Variants in PDK3 observed in about 807,000 individuals in gnomAD.
PDK3 encodes the protein pyruvate dehydrogenase kinase 3.
A neutral mutation model predicts 32.0 loss-of-function variants in PDK3; 12 were observed. The ratio of observed to expected loss-of-function variants is 0.37; its 90% CI spans 0.24 to 0.61. PDK3 has a LOEUF of 0.61. Among genes scored for constraint, PDK3 ranks in the 20% least tolerant of loss-of-function variants. PDK3 has a pLI of 0.65. For synonymous variants in PDK3, 122 were observed against 116.3 expected (o/e 1.05, Z -0.31); for missense variants, 188 against 316.9 (o/e 0.59, Z 3.09).
At chrX:24,468,418 T>C (rs1351198756) in intron 1 of PDK3, among the ~76,000 whole-genome samples, 1 of 111,885 alleles carries the variant, frequency 8.9e-6, no homozygotes, top group African/African-American at 3.3e-5. Flanking sequence ...TCTCCAGTCA[T>C]TGCCAAATGT....
chrX:24,499,272 T>G (rs931211661), intron 3 of PDK3, among the ~76,000 whole-genome samples: 1 of 111,354 alleles, frequency 9.0e-6, no homozygotes, highest in South Asian at 3.8e-4. Context: ...AAAAAAAAAT[T>G]TCAATAGGAT....
At chrX:24,499,548 T>A (rs757429597) in intron 3 of PDK3, among the ~76,000 whole-genome samples, 1 of 112,105 alleles carries the variant, frequency 8.9e-6, no homozygotes, top group East Asian at 2.8e-4. Flanking sequence ...GTAGGCCTGT[T>A]GTGCTGAGAA....
In PDK3 at chrX:24,488,227, T is replaced by C. The variant is rs543764483; in HGVS notation, c.107-6515T>C. The stretch of plus-strand genomic sequence containing the variant: ...TCTTGGCTACCTCCTGGTCCCACCA[T>C]AGGGAAGGCTCCCTGCATTACATTG... On this transcript the variant is annotated intron_variant, in intron 1 of 10. Coordinates refer to ENST00000379162, the MANE Select transcript of PDK3 (RefSeq NM_005391.5). Among the ~76,000 whole-genome samples, 32 of 111,302 alleles carry C rather than the reference T, an allele frequency of 2.9e-4. No individual in the cohort carries two copies. In the South Asian group the frequency reaches 0.011, roughly 37 times the overall value.
chrX:24,494,577 T>C (rs192650027), intron 1 of PDK3, among the ~76,000 whole-genome samples, 165 bp from the exon 2 acceptor site: 1 of 112,503 alleles, frequency 8.9e-6, no homozygotes, highest in African/African-American at 3.2e-5. Context: ...GCTAATTAAC[T>C]TATTTTCTTG....
intron 6 of PDK3, among the ~76,000 whole-genome samples, chrX:24,520,184 C>T (rs190536854): frequency 9.8e-5 from 11 of 111,806 alleles, no homozygotes; most frequent in African/African-American, 3.2e-4. Flanking sequence ...TAGTTTGAAA[C>T]CCCATCTCAA....
chrX:24,513,467 C>A, intron 5 of PDK3: 1 of 128,464 alleles, frequency 7.8e-6, no homozygotes, highest in Non-Finnish European at 1.6e-5. Flanking sequence ...TCAACCTTAC[C>A]TTCATCTTCA....
intron 5 of PDK3, among the ~76,000 whole-genome samples, chrX:24,515,138 A>T (rs1037661053): frequency 4.4e-5 from 5 of 112,608 alleles, no homozygotes; most frequent in African/African-American, 1.6e-4. Flanking sequence ...TGCATAGTAT[A>T]TATGTAATAC....
chrX:24,479,744 C>T, intron 1 of PDK3, among the ~76,000 whole-genome samples: 1 of 109,998 alleles, frequency 9.1e-6, no homozygotes, highest in Non-Finnish European at 1.9e-5. Flanking sequence ...GAGGTCGCGC[C>T]ACTGCACTCC....
In PDK3 at chrX:24,531,686, C is replaced by A; in HGVS notation, c.993C>A (p.Ser331=). 1.7e-6 allele frequency: 2 copies of A among 1,199,575 alleles called. No homozygotes were observed. Among genetic ancestry groups the A allele is most frequent in the Non-Finnish European group, 2.3e-6 (2 of 885,740 alleles). Residue 331 remains serine, a synonymous_variant, in exon 10 of 11, where the codon TCC becomes TCA. Coordinates refer to ENST00000379162, the MANE Select transcript of PDK3 (RefSeq NM_005391.5). ...GATTTGGTTATGGTTTGCCAATTTC[C>A]CGTCTGTATGCTAGATATTTTCAAG... ...LAGFGYGLPI[S]RLYARYFQGD...
chrX:24,494,802 G>A lies in PDK3; in HGVS notation c.167G>A (p.Arg56Gln). ...YMFLRKELPVRLANTMREVNL... is the reference protein window; with the variant it reads ...YMFLRKELPVQLANTMREVNL... Reference sequence around the variant, plus strand: ...TTTCTACGAAAGGAACTTCCTGTGCGGCTGGCTAACACAATGAGAGAAGTT... The same window carrying A: ...TTTCTACGAAAGGAACTTCCTGTGCAGCTGGCTAACACAATGAGAGAAGTT... Residue 56 changes from arginine to glutamine, a missense_variant, in exon 2 of 11, where the codon CGG (arginine) becomes CAG (glutamine). Arg to Gln is a conservative substitution (Grantham distance 43, BLOSUM62 1). Transcript: ENST00000379162. 1 of 1,197,189 alleles carries A rather than the reference G, an allele frequency of 8.4e-7. No homozygotes were observed. Among genetic ancestry groups the A allele is most frequent in the Non-Finnish European group, 1.1e-6 (1 of 883,616 alleles).
chrX:24,503,195 C>G, intron 3 of PDK3, 132 bp from the exon 4 acceptor site: 1 of 375,111 alleles, frequency 2.7e-6, no homozygotes, highest in Non-Finnish European at 4.3e-6. Context: ...GTTCCTTGTT[C>G]TATGTAGTAA....
chrX:24,497,444 C>G (rs750947317), intron 2 of PDK3, among the ~76,000 whole-genome samples: 2 of 111,730 alleles, frequency 1.8e-5, no homozygotes, highest in South Asian at 3.8e-4. Flanking sequence ...GCCACCACGC[C>G]CAGCTAATTT....
chrX:24,495,134 G>A (rs1921668307), intron 2 of PDK3, among the ~76,000 whole-genome samples: 1 of 112,268 alleles, frequency 8.9e-6, no homozygotes, highest in African/African-American at 3.2e-5. Context: ...CTTGTGTGTG[G>A]TGGGATTGCA....
exon 12 of PDK3, among the ~76,000 whole-genome samples, chrX:24,544,373 G>A (rs1922951553): frequency 1.8e-5 from 2 of 110,351 alleles, no homozygotes; most frequent in African/African-American, 3.3e-5. Flanking sequence ...TTGTGAGATC[G>A]GCTCCAGAGT....
chrX:24,528,181 C>G lies in PDK3; in HGVS notation c.958C>G (p.Pro320Ala). 9.2e-7 allele frequency: 1 copy of G among 1,088,803 alleles called. No homozygotes were observed. Among genetic ancestry groups the G allele is most frequent in the Non-Finnish European group, 1.3e-6 (1 of 785,102 alleles). 89.7% of individuals were successfully genotyped at this position (1,088,803 alleles called of 1,213,427 possible). The change falls in exon 9 of 11, where the codon CCT becomes GCT. Residue 320 changes from proline to alanine, a missense_variant. Transcript: ENST00000379162. ...RPSLEPTRAA[P>A]LAGFGYGLPI... The stretch of plus-strand genomic sequence containing the variant: ...CAGCCTGGAGCCTACCAGAGCTGCC[C>G]CTTTGGTAAGCATCTGAAAGTGCTG...
At chrX:24,471,767 C>G (rs1196766813) in intron 1 of PDK3, among the ~76,000 whole-genome samples, 1 of 112,083 alleles carries the variant, frequency 8.9e-6, no homozygotes, top group African/African-American at 3.2e-5. Context: ...AACTCACATC[C>G]TCATTGTGAG....
At chrX:24,520,250 T>C (rs947919140) in intron 6 of PDK3, among the ~76,000 whole-genome samples, 1 of 112,250 alleles carries the variant, frequency 8.9e-6, no homozygotes, top group East Asian at 2.8e-4. Flanking sequence ...ACAAGATTGA[T>C]GATCACAGTA....
intron 1 of PDK3, among the ~76,000 whole-genome samples, chrX:24,488,433 A>G (rs1368375208): frequency 8.9e-6 from 1 of 112,496 alleles, no homozygotes; most frequent in Non-Finnish European, 1.9e-5. Context: ...TCACGCCTGT[A>G]ATCCTAGAAC....
At chrX:24,533,253 C>A (rs1354418141) in intron 10 of PDK3, among the ~76,000 whole-genome samples, 1 of 108,362 alleles carries the variant, frequency 9.2e-6, no homozygotes, top group Non-Finnish European at 1.9e-5. Flanking sequence ...GCTCCTGCCT[C>A]AGCCTCCTGA....
Sources: allele counts gnomAD v4.1 joint callset (sites outside exome capture counted in the v4.1 genomes callset), GRCh38; gene constraint gnomAD v4.1.1; transcripts MANE v1.5; gene names NCBI Gene and HGNC (gene_info 2026-07-23, HGNC 2026-07-21).